Variants in DISC1 observed in about 807,000 individuals in gnomAD.
DISC1 encodes DISC1 scaffold protein.
Under a neutral mutation model 84.5 loss-of-function variants are expected in DISC1, and 57 were observed. The observed-to-expected ratio is 0.67, with a 90% CI of 0.55 to 0.84. The LOEUF (loss-of-function observed/expected upper bound fraction) is 0.84. DISC1 is among the 40% of genes least tolerant of loss of function. The pLI is 0.00. For missense variants in DISC1, 1,000 were observed against 1,057.8 expected (o/e 0.95, Z 0.76); for synonymous variants, 411 against 415.2 (o/e 0.99, Z 0.12).
chr1:231,655,616 G>C (rs1457291983), intron 1 of DISC1, among the ~76,000 whole-genome samples: 1 of 152,138 alleles, frequency 6.6e-6, no homozygotes, highest in Non-Finnish European at 1.5e-5. Context: ...ACCTAGTCCA[G>C]TAGTGGGATT....
chr1:231,899,084 T>G (rs755849134), intron 9 of DISC1, among the ~76,000 whole-genome samples: 2 of 151,754 alleles, frequency 1.3e-5, no homozygotes, highest in Non-Finnish European at 2.9e-5. Flanking sequence ...CACTGACTAC[T>G]CAGTGTGGAT....
chr1:231,636,748 T>A (rs2059232418), intron 1 of DISC1, among the ~76,000 whole-genome samples: 1 of 152,178 alleles, frequency 6.6e-6, no homozygotes, highest in African/African-American at 2.4e-5. Flanking sequence ...TCAGCTAATC[T>A]TGGTATGAAT....
chr1:231,631,701 T>C (rs114003865), intron 1 of DISC1, among the ~76,000 whole-genome samples: 7,160 of 152,042 alleles, frequency 0.047, 193 homozygotes, highest in Middle Eastern at 0.085. Context: ...GCACAATGTA[T>C]TTGTGTTTTA....
At chr1:231,720,150 C>T (rs1346147518) in intron 3 of DISC1, among the ~76,000 whole-genome samples, 1 of 152,134 alleles carries the variant, frequency 6.6e-6, no homozygotes, top group Non-Finnish European at 1.5e-5. Flanking sequence ...ATGGCCAGAA[C>T]ATTTAGTGTA....
rs1236945777 is a variant in DISC1, at chr1:231,767,323, G to A, written c.1398+54G>A. On this transcript the variant is annotated intron_variant, in intron 5 of 12. Transcript: ENST00000439617. ...ATGATGGCATTTTTCTTTTCTTTGAGACAGGGTCTTGCTCTGTTGCCTAGG... is the reference window on the plus strand; with the variant it reads ...ATGATGGCATTTTTCTTTTCTTTGAAACAGGGTCTTGCTCTGTTGCCTAGG... 5 of 1,606,996 alleles carry A rather than the reference G, an allele frequency of 3.1e-6. No individual in the cohort carries two copies. The African/African-American group carries it at 5.4e-5, about 17-fold the overall frequency.
chr1:231,704,448 T>C (rs2066779050), intron 3 of DISC1, among the ~76,000 whole-genome samples: 1 of 152,140 alleles, frequency 6.6e-6, no homozygotes, highest in Non-Finnish European at 1.5e-5. Flanking sequence ...TAACCTGGGT[T>C]GGTAATGGAT....
chr1:231,800,998 A>G (rs1350513147), intron 8 of DISC1, among the ~76,000 whole-genome samples: 1 of 152,166 alleles, frequency 6.6e-6, no homozygotes, highest in East Asian at 1.9e-4. Flanking sequence ...GAATGGACCC[A>G]GAGCTCATCA....
At chr1:231,702,068 A>G in intron 3 of DISC1, 44 bp downstream of exon 3, 1 of 1,585,974 alleles carries the variant, frequency 6.3e-7, no homozygotes, top group Non-Finnish European at 8.6e-7. Context: ...ATCATGTCCC[A>G]ATTTTCTTTC....
At chr1:231,947,051 A>G (rs149525346) in intron 9 of DISC1, among the ~76,000 whole-genome samples, 332 of 152,326 alleles carry the variant, frequency 2.2e-3, no homozygotes, top group African/African-American at 7.3e-3. Flanking sequence ...TATAGATTCA[A>G]TGCTATCCCC....
At chr1:231,885,196 G>A (rs892384950) in intron 9 of DISC1, among the ~76,000 whole-genome samples, 2 of 152,072 alleles carry the variant, frequency 1.3e-5, no homozygotes, top group South Asian at 2.1e-4. Flanking sequence ...TGAAACATAC[G>A]AAAAAATGAC....
At chr1:232,019,477 A>G (rs866397370) in intron 11 of DISC1, among the ~76,000 whole-genome samples, 2 of 152,204 alleles carry the variant, frequency 1.3e-5, no homozygotes, top group African/African-American at 2.4e-5. Flanking sequence ...CAGAATTGCA[A>G]ATCCTACAGA....
At chr1:232,020,196 G>C (rs571300470) in intron 11 of DISC1, among the ~76,000 whole-genome samples, 1 of 151,964 alleles carries the variant, frequency 6.6e-6, no homozygotes, top group East Asian at 1.9e-4. Flanking sequence ...ACAAAAATTA[G>C]CCTGGCATGG....
chr1:231,773,054 A>T (rs935465874), intron 6 of DISC1, among the ~76,000 whole-genome samples: 1 of 152,212 alleles, frequency 6.6e-6, no homozygotes, highest in Non-Finnish European at 1.5e-5. Flanking sequence ...TTTGCAACTG[A>T]GGAATCAAAA....
chr1:231,719,057 C>T (rs957721062), intron 3 of DISC1, among the ~76,000 whole-genome samples: 8 of 152,014 alleles, frequency 5.3e-5, no homozygotes, highest in Non-Finnish European at 1.0e-4. Flanking sequence ...CCCAGGAGGT[C>T]GAGGCTGCAG....
intron 10 of DISC1, among the ~76,000 whole-genome samples, chr1:231,981,770 G>A (rs1663637959): frequency 6.6e-6 from 1 of 152,182 alleles, no homozygotes; most frequent in South Asian, 2.1e-4. Flanking sequence ...GCAGAACAAG[G>A]ATGGCATGAC....
At chr1:231,760,039 A>G (rs574373906) in intron 4 of DISC1, among the ~76,000 whole-genome samples, 2 of 152,330 alleles carry the variant, frequency 1.3e-5, no homozygotes, top group South Asian at 4.1e-4. Context: ...CATAACTATT[A>G]TGAACCCAGA....
intron 9 of DISC1, among the ~76,000 whole-genome samples, chr1:231,915,974 A>G (rs966318808): frequency 1.3e-5 from 2 of 152,168 alleles, no homozygotes; most frequent in Non-Finnish European, 1.5e-5. Context: ...CAGGAGCCCA[A>G]GGGTATTTCT....
At chr1:231,976,871 A>G (rs1411183155) in intron 10 of DISC1, among the ~76,000 whole-genome samples, 1 of 152,222 alleles carries the variant, frequency 6.6e-6, no homozygotes, top group Non-Finnish European at 1.5e-5. Context: ...GATAGTATCA[A>G]TAACTAACCT....
chr1:231,894,105 C>G (rs1289906006), intron 9 of DISC1, among the ~76,000 whole-genome samples: 1 of 152,112 alleles, frequency 6.6e-6, no homozygotes, highest in Non-Finnish European at 1.5e-5. Flanking sequence ...CATACACTGG[C>G]TGGAGACAGG....
Sources: allele counts gnomAD v4.1 joint callset (sites outside exome capture counted in the v4.1 genomes callset), GRCh38; gene constraint gnomAD v4.1.1; transcripts MANE v1.5; gene names NCBI Gene and HGNC (gene_info 2026-07-23, HGNC 2026-07-21).